The following XPO7 variants were observed in gnomAD, a reference collection of about 807,000 sequenced individuals.
XPO7 encodes the protein exportin 7.
In XPO7, 21 loss-of-function variants were observed where a neutral mutation model predicts 144.3. The ratio of observed to expected loss-of-function variants is 0.15; its 90% confidence interval spans 0.10 to 0.21. The LOEUF (loss-of-function observed/expected upper bound fraction) is 0.21, where lower values mean the gene tolerates loss of function less well. Ranked by LOEUF, XPO7 falls within the 10% of genes least tolerant of loss-of-function variation. XPO7 has a pLI of 1.00. For missense variants in XPO7, 808 were observed against 1,325.8 expected (o/e 0.61, Z 6.06); for synonymous variants, 580 against 499.6 (o/e 1.16, Z -2.15).
intron 20 of XPO7, 26 bp downstream of exon 20, chr8:21,994,477 A>C (rs552896784): frequency 1.0e-5 from 16 of 1,595,422 alleles, no homozygotes; most frequent in South Asian, 3.3e-5. Flanking sequence ...CTAGGAGCAC[A>C]CTACAGCCTG....
chr8:21,937,715 C>G (rs1440710054), intron 1 of XPO7, among the ~76,000 whole-genome samples: 6 of 152,134 alleles, frequency 3.9e-5, no homozygotes, highest in Non-Finnish European at 8.8e-5. Flanking sequence ...TTAAAGTACC[C>G]TGGACCAACA....
At chr8:21,970,639 G>T (rs1812024683) in intron 4 of XPO7, among the ~76,000 whole-genome samples, 2 of 152,118 alleles carry the variant, frequency 1.3e-5, no homozygotes, top group Admixed American at 1.3e-4. Context: ...GAATAGCCCA[G>T]TACATATATT....
At chr8:21,991,786 C>T (rs1310036267) in intron 18 of XPO7, 82 bp from the exon 19 acceptor site, 2 of 1,124,810 alleles carry the variant, frequency 1.8e-6, no homozygotes, top group East Asian at 2.8e-5. Context: ...TGGGTTTGCT[C>T]CTCTTTCATC....
intron 1 of XPO7, among the ~76,000 whole-genome samples, chr8:21,931,698 C>T (rs564443220): frequency 1.1e-4 from 17 of 152,244 alleles, no homozygotes; most frequent in Admixed American, 5.9e-4. Context: ...GCTGCCAATA[C>T]CCCTTAAAGG....
chr8:22,005,800 T>C lies in XPO7; in HGVS notation c.*712T>C, dbSNP rs1813311045. ...CCGTGTAGATTCTGCCCTGGGTCCCTAGCCCCTTGCAGTGATAAATAACTC... is the reference window on the plus strand; with the variant it reads ...CCGTGTAGATTCTGCCCTGGGTCCCCAGCCCCTTGCAGTGATAAATAACTC... On this transcript the variant is annotated 3_prime_UTR_variant, in exon 28 of 28. Coordinates refer to ENST00000252512, the MANE Select transcript of XPO7 (RefSeq NM_015024.5). The C allele has an allele frequency of 6.6e-6, 1 of 152,002 alleles. No homozygotes were observed. The highest frequency in any genetic ancestry group is 1.5e-5 in the Non-Finnish European group (1 of 67,978). 9.4% of individuals were successfully genotyped at this position (152,002 alleles called of 1,614,324 possible).
At chr8:21,979,273 G>A (rs1180729047) in intron 8 of XPO7, among the ~76,000 whole-genome samples, 5 of 151,998 alleles carry the variant, frequency 3.3e-5, no homozygotes, top group African/African-American at 9.7e-5. Flanking sequence ...TCAAACTCCC[G>A]ACCTCAGGTG....
intron 15 of XPO7, 56 bp downstream of exon 15, chr8:21,987,913 A>G (rs1812634332): frequency 4.5e-6 from 7 of 1,569,814 alleles, no homozygotes; most frequent in African/African-American, 1.4e-5. Context: ...TTGCAACTGT[A>G]AAATGTGATC....
At chr8:21,965,723 T>A (rs1811862230) in intron 1 of XPO7, among the ~76,000 whole-genome samples, 1 of 152,216 alleles carries the variant, frequency 6.6e-6, no homozygotes, top group Non-Finnish European at 1.5e-5. Flanking sequence ...CTTTCCTACT[T>A]AGTGGAAAAG....
chr8:21,950,025 C>G (rs986995980), intron 1 of XPO7, among the ~76,000 whole-genome samples: 3 of 152,214 alleles, frequency 2.0e-5, no homozygotes, highest in Non-Finnish European at 4.4e-5. Flanking sequence ...GTACTGGGCC[C>G]TAGGCTGTGT....
At chr8:21,978,658 G>GGGT (rs1812304005) in intron 8 of XPO7, among the ~76,000 whole-genome samples, 1 of 152,190 alleles carries the variant, frequency 6.6e-6, no homozygotes. Context: ...CACCAGCACG[G>GGGT]GGTGGTGGTG....
At chr8:21,930,996 C>T (rs1314955009) in intron 1 of XPO7, among the ~76,000 whole-genome samples, 1 of 151,812 alleles carries the variant, frequency 6.6e-6, no homozygotes, top group African/African-American at 2.4e-5. Flanking sequence ...GCACGCACCA[C>T]CATGCCCAGC....
intron 1 of XPO7, among the ~76,000 whole-genome samples, chr8:21,951,064 C>A (rs1045420692): frequency 5.3e-5 from 8 of 151,944 alleles, no homozygotes; most frequent in African/African-American, 1.5e-4. Flanking sequence ...TCGCTGTACT[C>A]CAGCCTGGGC....
At position 22,002,158 on chromosome 8, in the gene XPO7, G is replaced by A; in HGVS notation, c.2829G>A (p.Val943=). The A allele has an allele frequency of 6.2e-7, 1 of 1,612,578 alleles. No individual in the cohort carries two copies. The highest frequency in any genetic ancestry group is 8.5e-7 in the Non-Finnish European group (1 of 1,179,360). ...GCTGCTCCTGCCTGGACCACATTGT[G>A]ACATACCTCTTCAAGCAGCTGTCAC... ...TGCCSCLDHI[V]TYLFKQLSRS... Residue 943 remains valine (V), a synonymous_variant, in exon 25 of 28, where the codon GTG becomes GTA. Transcript: ENST00000252512.
chr8:21,931,585 A>G (rs767952226), intron 1 of XPO7, among the ~76,000 whole-genome samples: 7 of 152,252 alleles, frequency 4.6e-5, no homozygotes, highest in African/African-American at 1.7e-4. Context: ...ACAACCAGCA[A>G]TGAAATAGGC....
chr8:21,947,962 T>C (rs567614333), intron 1 of XPO7, among the ~76,000 whole-genome samples: 58 of 152,294 alleles, frequency 3.8e-4, no homozygotes, highest in African/African-American at 1.4e-3. Flanking sequence ...AAACATGGCA[T>C]GTTTGAAAGC....
chr8:21,942,194 G>T (rs1323333377), intron 1 of XPO7, among the ~76,000 whole-genome samples: 2 of 152,142 alleles, frequency 1.3e-5, no homozygotes, highest in Non-Finnish European at 2.9e-5. Flanking sequence ...AGTGGTGCAG[G>T]ACTCTCAGGG....
At chr8:21,953,326 T>A (rs563667178) in intron 1 of XPO7, among the ~76,000 whole-genome samples, 1 of 152,276 alleles carries the variant, frequency 6.6e-6, no homozygotes, top group Non-Finnish European at 1.5e-5. Flanking sequence ...CTGTCTCTAT[T>A]GTTTTGCCTT....
At chr8:21,990,250 T>G (rs1278779954) in intron 16 of XPO7, 94 bp from the exon 17 acceptor site, 4 of 1,246,744 alleles carry the variant, frequency 3.2e-6, no homozygotes, top group Non-Finnish European at 4.6e-6. Context: ...AATAAGATAT[T>G]TGGGTGAACT....
At chr8:21,973,870 G>A (rs1340578183) in intron 5 of XPO7, among the ~76,000 whole-genome samples, 2 of 152,230 alleles carry the variant, frequency 1.3e-5, no homozygotes, top group African/African-American at 2.4e-5. Context: ...AACAGGGAAA[G>A]TCAAAGACCA....
Sources: allele counts gnomAD v4.1 joint callset (sites outside exome capture counted in the v4.1 genomes callset), GRCh38; gene constraint gnomAD v4.1.1; transcripts MANE v1.5; gene names NCBI Gene and HGNC (gene_info 2026-07-23, HGNC 2026-07-21).